The following STIM2 variants were observed in gnomAD, a reference collection of about 807,000 sequenced individuals.
STIM2 encodes the protein stromal interaction molecule 2.
Under a neutral mutation model 85.8 loss-of-function variants are expected in STIM2, and 31 were observed. The observed-to-expected ratio is 0.36, with a 90% CI of 0.27 to 0.49. The LOEUF is 0.49. STIM2 is among the 20% of genes least tolerant of loss of function. The pLI, the probability that STIM2 is intolerant of heterozygous loss-of-function variation, is 0.98. For missense variants in STIM2, 841 were observed against 927.6 expected (o/e 0.91, Z 1.21); for synonymous variants, 356 against 331.1 (o/e 1.08, Z -0.82).
At chr4:26,943,670 C>T (rs764561018) in intron 2 of STIM2, among the ~76,000 whole-genome samples, 2 of 152,078 alleles carry the variant, frequency 1.3e-5, no homozygotes, top group Middle Eastern at 3.4e-3. Context: ...AGCAGCGCTC[C>T]GTTAGTCATT....
rs1034995202 is a variant in STIM2, at chr4:26,887,941, C to T, written c.151+26572C>T. Among the ~76,000 whole-genome samples, 7 of 152,236 alleles carry T rather than the reference C, an allele frequency of 4.6e-5. 1 individual carries two copies. The Middle Eastern group carries it at 0.01, about 222-fold the overall frequency. ...ATCCAAAATCCATAGGATAGGCTGGCAGATTGGAAACTCTTGGGCAGGCGA... is the reference window on the plus strand; with the variant it reads ...ATCCAAAATCCATAGGATAGGCTGGTAGATTGGAAACTCTTGGGCAGGCGA... On this transcript the variant is annotated intron_variant, in intron 1 of 11. Coordinates refer to ENST00000467087, the MANE Select transcript of STIM2 (RefSeq NM_020860.4).
intron 1 of STIM2, among the ~76,000 whole-genome samples, chr4:26,890,406 C>T (rs1723422880): frequency 6.6e-6 from 1 of 152,144 alleles, no homozygotes; most frequent in Non-Finnish European, 1.5e-5. Flanking sequence ...ATGCATGCCC[C>T]ACTTTATGAA....
intron 2 of STIM2, among the ~76,000 whole-genome samples, chr4:26,944,574 A>G: frequency 6.6e-6 from 1 of 152,204 alleles, no homozygotes; most frequent in South Asian, 2.1e-4. Context: ...ATTTGTTAAA[A>G]TAGAAGCCAT....
intron 3 of STIM2, among the ~76,000 whole-genome samples, chr4:26,994,932 C>G (rs1284731317): frequency 6.6e-6 from 1 of 152,092 alleles, no homozygotes; most frequent in Non-Finnish European, 1.5e-5. Context: ...CCTCCCCAAA[C>G]CCAAAGGAAT....
At chr4:26,916,822 A>T (rs1181664209) in intron 1 of STIM2, among the ~76,000 whole-genome samples, 1 of 151,978 alleles carries the variant, frequency 6.6e-6, no homozygotes, top group Admixed American at 6.6e-5. Flanking sequence ...GCTACAGATG[A>T]TTTAAAATTC....
At chr4:26,946,241 GA>G (rs1725827504) in intron 2 of STIM2, among the ~76,000 whole-genome samples, 1 of 152,140 alleles carries the variant, frequency 6.6e-6, no homozygotes, top group African/African-American at 2.4e-5. Flanking sequence ...TTTAGAGAAT[GA>G]AACTCAATTC....
In STIM2 at chr4:26,962,991, A is replaced by G. The variant is rs189740700; in HGVS notation, c.397+5265A>G. ...TAATTTTGGGCTTTACAAATTGAATAGACATTTGGAAATTTAAGATAATGT... is the reference window on the plus strand; with the variant it reads ...TAATTTTGGGCTTTACAAATTGAATGGACATTTGGAAATTTAAGATAATGT... On this transcript the variant is annotated intron_variant, in intron 3 of 11. Transcript: ENST00000467087. Among the ~76,000 whole-genome samples the G allele has an allele frequency of 2.0e-5, 3 of 152,296 alleles. No individual in the cohort carries two copies. The East Asian group carries it at 5.8e-4, about 29-fold the overall frequency.
At chr4:26,944,158 C>A in intron 2 of STIM2, among the ~76,000 whole-genome samples, 1 of 151,888 alleles carries the variant, frequency 6.6e-6, no homozygotes, top group Non-Finnish European at 1.5e-5. Context: ...TACATGGTTC[C>A]ACAGTCTAAT....
At chr4:26,862,303 G>A (rs1722244622) in intron 1 of STIM2, among the ~76,000 whole-genome samples, 1 of 141,030 alleles carries the variant, frequency 7.1e-6, no homozygotes, top group Admixed American at 7.6e-5. Flanking sequence ...GAAAAGTAAT[G>A]GAGCTAAAAT....
At chr4:26,893,255 C>T (rs935534845) in intron 1 of STIM2, among the ~76,000 whole-genome samples, 1 of 152,200 alleles carries the variant, frequency 6.6e-6, no homozygotes, top group South Asian at 2.1e-4. Context: ...GAAGTTCCCC[C>T]TCCCCATAGT....
chr4:26,957,296 G>A (rs550417851), intron 2 of STIM2, among the ~76,000 whole-genome samples: 1 of 152,166 alleles, frequency 6.6e-6, no homozygotes, highest in African/African-American at 2.4e-5. Context: ...CACGAATACT[G>A]AACCCACAGA....
intron 2 of STIM2, among the ~76,000 whole-genome samples, chr4:26,957,128 A>G (rs1726274591): frequency 6.6e-6 from 1 of 152,162 alleles, no homozygotes. Context: ...ACATCCTCCC[A>G]TATAAATTGT....
At chr4:26,986,493 T>G (rs1333484209) in intron 3 of STIM2, among the ~76,000 whole-genome samples, 1 of 152,194 alleles carries the variant, frequency 6.6e-6, no homozygotes, top group East Asian at 1.9e-4. Flanking sequence ...GCTAAGTGCT[T>G]TGGGTGCATT....
At chr4:26,997,524 C>A (rs1728003294) in intron 4 of STIM2, among the ~76,000 whole-genome samples, 1 of 152,206 alleles carries the variant, frequency 6.6e-6, no homozygotes, top group Non-Finnish European at 1.5e-5. Flanking sequence ...CAGGTGGAAT[C>A]ATTTTTACCT....
intron 1 of STIM2, chr4:26,881,490 G>A (rs1723013987): frequency 1.4e-5 from 2 of 147,838 alleles, no homozygotes; most frequent in African/African-American, 5.0e-5. Flanking sequence ...AGCCACTTTT[G>A]CCTTTCCCTT....
chr4:26,921,281 T>C (rs1468697344), intron 2 of STIM2, among the ~76,000 whole-genome samples: 1 of 152,234 alleles, frequency 6.6e-6, no homozygotes, highest in Non-Finnish European at 1.5e-5. Flanking sequence ...GAGAGCATGA[T>C]TCTGTGGACA....
chr4:27,022,786 A>C lies in STIM2; in HGVS notation c.2031A>C (p.Lys677Asn). The change falls in exon 12 of 12, where the codon AAA (lysine) becomes AAC (asparagine). Residue 677 changes from lysine (K) to asparagine (N), a missense_variant. Around this residue, in one of 3 missense-constraint regions of STIM2, gnomAD observed 293 missense variants for 284.5 expected, o/e 1.03. Transcript: ENST00000467087. ...AAGTGTACAATGGCATTTTGGAGAA[A>C]TCCTGTAGCATGAACCAGCTTTCCA... 1 of 1,614,186 alleles carries C rather than the reference A, an allele frequency of 6.2e-7. No individual in the cohort carries two copies. The highest frequency in any genetic ancestry group is 8.5e-7 in the Non-Finnish European group (1 of 1,180,044).
intron 3 of STIM2, among the ~76,000 whole-genome samples, chr4:26,989,213 A>G (rs1056714237): frequency 6.6e-6 from 1 of 152,174 alleles, no homozygotes; most frequent in African/African-American, 2.4e-5. Context: ...AGGATTACAG[A>G]CATGAGCCAC....
chr4:26,977,194 AC>A (rs1262319605), intron 3 of STIM2, among the ~76,000 whole-genome samples: 1 of 152,138 alleles, frequency 6.6e-6, no homozygotes, highest in Non-Finnish European at 1.5e-5. Flanking sequence ...ACCAAGGCTT[AC>A]GGCTGACACA....
Sources: gnomAD v4.1 joint callset for allele counts (sites outside exome capture counted in the v4.1 genomes callset) on GRCh38, gnomAD v4.1.1 for gene constraint, gnomAD v4.1.1 regional missense constraint, MANE v1.5 for transcripts, NCBI Gene and HGNC (gene_info 2026-07-23, HGNC 2026-07-21) for gene names.